PDE4D: variants seen among roughly 807,000 people sequenced by gnomAD.
PDE4D encodes 3',5'-cyclic-AMP phosphodiesterase 4D.
PDE4D carries 24 observed loss-of-function variants against 87.4 expected under a neutral mutation model. That is an observed-to-expected ratio of 0.27 (90% CI 0.20 to 0.39). The LOEUF (loss-of-function observed/expected upper bound fraction) is 0.39. Ranked by LOEUF, PDE4D falls within the 10% of genes least tolerant of loss-of-function variation. PDE4D has a pLI of 1.00. For missense variants in PDE4D, 714 were observed against 1,041.0 expected, an observed-to-expected ratio of 0.69 and a Z score of 4.32; for synonymous variants, 384 against 383.2, an observed-to-expected ratio of 1.00 and a Z score of -0.02.
intron 1 of PDE4D, among the ~76,000 whole-genome samples, chr5:59,389,396 A>G (rs1330779745): frequency 2.6e-5 from 4 of 151,826 alleles, no homozygotes; most frequent in Non-Finnish European, 5.9e-5. Flanking sequence ...ATTTTAATAT[A>G]TATTTTCAGT....
At chr5:59,790,657 T>C (rs763088342) in intron 1 of PDE4D, among the ~76,000 whole-genome samples, 8 of 152,118 alleles carry the variant, frequency 5.3e-5, no homozygotes, top group Non-Finnish European at 1.2e-4. Context: ...CTTCCTCTCT[T>C]TGTCCTTATT....
chr5:60,152,575 C>T (rs956032054), intron 2 of PDE4D, among the ~76,000 whole-genome samples: 3 of 151,464 alleles, frequency 2.0e-5, no homozygotes, highest in Non-Finnish European at 4.4e-5. Flanking sequence ...ATAGTGTGAA[C>T]CCAGGAGGCA....
chr5:59,609,377 T>TACACACACACACACACACACACAC (rs61116888), intron 1 of PDE4D, among the ~76,000 whole-genome samples: 4 of 147,692 alleles, frequency 2.7e-5, no homozygotes, highest in South Asian at 2.2e-4. Context: ...TTTGTATATG[T>TACACACACACACACACACACACAC]ACACACACAC....
At chr5:59,243,326 G>A (rs1758055788) in intron 1 of PDE4D, among the ~76,000 whole-genome samples, 1 of 150,828 alleles carries the variant, frequency 6.6e-6, no homozygotes, top group African/African-American at 2.4e-5. Flanking sequence ...TTTCCCATTT[G>A]TAAAACAAGA....
chr5:59,273,239 T>C (rs1764173620), intron 1 of PDE4D, among the ~76,000 whole-genome samples: 1 of 151,864 alleles, frequency 6.6e-6, no homozygotes, highest in South Asian at 2.1e-4. Context: ...GAAAACATTG[T>C]CCCTCTGAGC....
chr5:59,080,479 TC>T (rs1398081207), intron 5 of PDE4D, among the ~76,000 whole-genome samples: 6 of 152,152 alleles, frequency 3.9e-5, no homozygotes, highest in African/African-American at 1.4e-4. Flanking sequence ...GTCTCTGTTC[TC>T]CAGAATGCTC....
upstream of PDE4D, among the ~76,000 whole-genome samples, chr5:60,488,618 G>A (rs372738998): frequency 6.6e-6 from 1 of 151,986 alleles, no homozygotes; most frequent in East Asian, 1.9e-4. Context: ...AAACTAAAAC[G>A]ATCATTTGTG....
At chr5:59,108,670 G>A (rs184879123) in intron 5 of PDE4D, among the ~76,000 whole-genome samples, 4 of 152,232 alleles carry the variant, frequency 2.6e-5, no homozygotes, top group East Asian at 1.9e-4. Context: ...AAGGCGGGCC[G>A]ATCACTTGAG....
intron 5 of PDE4D, among the ~76,000 whole-genome samples, chr5:59,045,378 A>C (rs1012832922): frequency 6.6e-6 from 1 of 151,990 alleles, no homozygotes; most frequent in Admixed American, 6.5e-5. Context: ...ACATGGAGAA[A>C]CCCTGTCTCT....
intron 1 of PDE4D, among the ~76,000 whole-genome samples, chr5:60,260,466 C>T (rs1749533817): frequency 6.6e-6 from 1 of 152,012 alleles, no homozygotes; most frequent in Non-Finnish European, 1.5e-5. Context: ...GGAATACTAG[C>T]AATGCAAAGA....
intron 3 of PDE4D, among the ~76,000 whole-genome samples, chr5:59,925,718 A>G (rs779184225): frequency 3.3e-5 from 5 of 152,236 alleles, no homozygotes; most frequent in Non-Finnish European, 5.9e-5. Flanking sequence ...GAATAGTTAC[A>G]GTTATATCAG....
chr5:59,864,037 G>T (rs1323829259), intron 1 of PDE4D, among the ~76,000 whole-genome samples: 1 of 152,144 alleles, frequency 6.6e-6, no homozygotes, highest in Non-Finnish European at 1.5e-5. Context: ...TGAGCTGGCA[G>T]GGAGCTGAAA....
At chr5:59,244,377 G>A (rs1294835415) in intron 1 of PDE4D, among the ~76,000 whole-genome samples, 2 of 151,712 alleles carry the variant, frequency 1.3e-5, no homozygotes, top group East Asian at 2.0e-4. Context: ...CAGCCTGGGC[G>A]ATAGGGCGAC....
At chr5:59,950,687 T>C (rs1407640690) in intron 3 of PDE4D, among the ~76,000 whole-genome samples, 1 of 152,174 alleles carries the variant, frequency 6.6e-6, no homozygotes, top group African/African-American at 2.4e-5. Context: ...GGCTATGAGG[T>C]GGATAAGAAT....
intron 1 of PDE4D, among the ~76,000 whole-genome samples, chr5:59,260,179 C>T (rs1230702825): frequency 2.6e-5 from 4 of 151,624 alleles, no homozygotes; most frequent in Non-Finnish European, 5.9e-5. Flanking sequence ...TGGACACTAA[C>T]GAACATAGAA....
intron 1 of PDE4D, among the ~76,000 whole-genome samples, chr5:59,759,435 G>A (rs1287826063): frequency 6.6e-6 from 1 of 152,158 alleles, no homozygotes; most frequent in African/African-American, 2.4e-5. Flanking sequence ...AAATGTCAAT[G>A]GTCATGGGAA....
At chr5:59,986,557 T>C (rs1231844818) in intron 3 of PDE4D, 1 of 152,250 alleles carries the variant, frequency 6.6e-6, no homozygotes, top group Non-Finnish European at 1.5e-5. Context: ...AATCTCTTCT[T>C]CCACAAGTGT....
At chr5:59,825,322 C>A (rs541946183) in intron 1 of PDE4D, among the ~76,000 whole-genome samples, 1 of 152,300 alleles carries the variant, frequency 6.6e-6, no homozygotes, top group Admixed American at 6.5e-5. Flanking sequence ...GCTGAAGAAC[C>A]ATCTCAGAGT....
intron 3 of PDE4D, among the ~76,000 whole-genome samples, chr5:59,962,506 T>C (rs571999451): frequency 1.3e-5 from 2 of 152,138 alleles, no homozygotes; most frequent in East Asian, 3.9e-4. Flanking sequence ...CCCTGAAATC[T>C]TACGCTCCTA....
Sources: gnomAD v4.1 joint callset for allele counts (sites outside exome capture counted in the v4.1 genomes callset) on GRCh38, gnomAD v4.1.1 for gene constraint, MANE v1.5 for transcripts, NCBI Gene and HGNC (gene_info 2026-07-23, HGNC 2026-07-21) for gene names.